The following LRBA variants were observed in gnomAD, a reference collection of about 807,000 sequenced individuals.
LRBA encodes the protein LPS responsive beige-like anchor protein, also known as lipopolysaccharide-responsive and beige-like anchor protein.
In LRBA, 176 loss-of-function variants were observed where a neutral mutation model predicts 330.0. The ratio of observed to expected loss-of-function variants is 0.53; its 90% CI spans 0.47 to 0.60. LRBA has a LOEUF of 0.60. LRBA is among the 20% of genes least tolerant of loss of function. The probability of loss-of-function intolerance (pLI) is 0.00; values close to 1 mark genes in which losing one functional copy is unlikely to be tolerated. For missense variants in LRBA, 3,259 were observed against 3,444.8 expected, an observed-to-expected ratio of 0.95 and a Z score of 1.35; for synonymous variants, 1,230 against 1,193.0, an observed-to-expected ratio of 1.03 and a Z score of -0.64.
intron 31 of LRBA, among the ~76,000 whole-genome samples, chr4:150,814,966 T>C (rs1299132128): frequency 1.3e-5 from 2 of 151,992 alleles, no homozygotes; most frequent in African/African-American, 4.8e-5. Flanking sequence ...ATTACCCATA[T>C]GTCTCAGCTG....
intron 2 of LRBA, among the ~76,000 whole-genome samples, chr4:151,012,629 C>T (rs1328377373): frequency 1.3e-5 from 2 of 152,120 alleles, no homozygotes; most frequent in Non-Finnish European, 2.9e-5. Flanking sequence ...AGCTGCACAA[C>T]GGATACCAGA....
intron 40 of LRBA, among the ~76,000 whole-genome samples, chr4:150,518,541 T>G (rs551579522): frequency 1.3e-5 from 2 of 152,076 alleles, no homozygotes; most frequent in Admixed American, 1.3e-4. Context: ...CCTGCTTACC[T>G]TTTTTTCCCT....
intron 37 of LRBA, among the ~76,000 whole-genome samples, chr4:150,660,057 C>T (rs1581961472): frequency 1.0e-4 from 1 of 9,694 alleles, no homozygotes; most frequent in African/African-American, 1.4e-4. Flanking sequence ...CCAGGCCAGC[C>T]GCCCCGTCCG....
intron 24 of LRBA, among the ~76,000 whole-genome samples, chr4:150,850,270 A>G (rs564265758): frequency 1.3e-5 from 2 of 151,734 alleles, no homozygotes; most frequent in Non-Finnish European, 2.9e-5. Flanking sequence ...ATTTTTTTGT[A>G]TTTTTAGTAG....
intron 37 of LRBA, among the ~76,000 whole-genome samples, chr4:150,648,158 C>CAAAAAGAAAAAAAA (rs1779346849): frequency 5.5e-5 from 1 of 18,100 alleles, no homozygotes; most frequent in Non-Finnish European, 1.8e-4. Context: ...ACACAAGTAG[C>CAAAAAGAAAAAAAA]AAAAAAAAAA....
intron 22 of LRBA, among the ~76,000 whole-genome samples, chr4:150,857,353 T>C (rs149182998): frequency 8.1e-4 from 123 of 152,266 alleles, no homozygotes; most frequent in African/African-American, 2.8e-3. Context: ...ATTCTAAAGG[T>C]TGGTAGTACA....
chr4:150,266,743 T>G (rs1331003336), intron 56 of LRBA, among the ~76,000 whole-genome samples: 1 of 152,084 alleles, frequency 6.6e-6, no homozygotes, highest in Non-Finnish European at 1.5e-5. Context: ...ATTAAAGAGA[T>G]TAAATTCTCC....
intron 2 of LRBA, among the ~76,000 whole-genome samples, chr4:151,005,908 T>A (rs1249544988): frequency 2.0e-5 from 3 of 148,856 alleles, no homozygotes; most frequent in East Asian, 2.1e-4. Flanking sequence ...CCGGCAACAC[T>A]GTTCTCTTAA....
chr4:150,996,164 G>A (rs1742624468), intron 2 of LRBA, among the ~76,000 whole-genome samples: 1 of 151,646 alleles, frequency 6.6e-6, no homozygotes, highest in African/African-American at 2.4e-5. Context: ...CATCCTCAGA[G>A]TACTCAAAAA....
chr4:150,704,460 A>G (rs1195032448), intron 36 of LRBA, among the ~76,000 whole-genome samples: 1 of 151,966 alleles, frequency 6.6e-6, no homozygotes. Flanking sequence ...TTAAAACACA[A>G]AAAGAGCCAC....
At chr4:150,847,109 CTAGT>C in intron 26 of LRBA, among the ~76,000 whole-genome samples, 1 of 152,164 alleles carries the variant, frequency 6.6e-6, no homozygotes, top group African/African-American at 2.4e-5. Context: ...AGTAGGAGCA[CTAGT>C]TAGACAAAAG....
intron 2 of LRBA, among the ~76,000 whole-genome samples, chr4:150,944,420 T>G (rs771848911): frequency 6.6e-6 from 1 of 152,226 alleles, no homozygotes; most frequent in Non-Finnish European, 1.5e-5. Flanking sequence ...TAATTACCTC[T>G]TGTAAACATG....
rs572936720 is a variant in LRBA, at chr4:150,999,329, T to C, written c.216+15098A>G. ...ATATAAATATGGGATCCTCAAAAGG[T>C]TGACCCTCAGGAAAAAGTAGATTCT... On this transcript the variant is annotated intron_variant, in intron 2 of 56. Transcript: ENST00000651943. Among the ~76,000 whole-genome samples the C allele has an allele frequency of 2.0e-5, 3 of 152,174 alleles. No individual in the cohort carries two copies. The South Asian group carries it at 6.2e-4, about 32-fold the overall frequency.
chr4:150,930,043 G>T (rs1311255353), intron 2 of LRBA, among the ~76,000 whole-genome samples: 1 of 152,130 alleles, frequency 6.6e-6, no homozygotes, highest in Non-Finnish European at 1.5e-5. Context: ...GGCAGGGCGT[G>T]GTGGCTCATG....
At chr4:150,451,461 G>A (rs1254152373) in intron 44 of LRBA, among the ~76,000 whole-genome samples, 1 of 151,948 alleles carries the variant, frequency 6.6e-6, no homozygotes, top group African/African-American at 2.4e-5. Context: ...ATAATCCATG[G>A]GTCAAAAAGC....
At chr4:150,639,755 A>G (rs183544982) in intron 37 of LRBA, among the ~76,000 whole-genome samples, 12,249 of 19,704 alleles carry the variant, frequency 0.62, 4,458 homozygotes, top group East Asian at 0.74. Flanking sequence ...ATATATATAT[A>G]TATATATATA....
At chr4:150,678,411 C>G (rs1220050208) in intron 37 of LRBA, among the ~76,000 whole-genome samples, 1 of 152,002 alleles carries the variant, frequency 6.6e-6, no homozygotes, top group Non-Finnish European at 1.5e-5. Flanking sequence ...CTGCAATATG[C>G]CTCTGTGGTA....
At chr4:150,863,807 T>C (rs779032806) in intron 22 of LRBA, among the ~76,000 whole-genome samples, 9 of 152,206 alleles carry the variant, frequency 5.9e-5, no homozygotes, top group Non-Finnish European at 8.8e-5. Flanking sequence ...ACACCTGAGA[T>C]ATCACCTAAT....
rs972490219 is a variant in LRBA at position 150,674,395 on chromosome 4, T to C, written c.5921+9156A>G. Among the ~76,000 whole-genome samples, 14 of 137,658 alleles carry C rather than the reference T, an allele frequency of 1.0e-4. No individual in the cohort carries two copies. In the Admixed American group the frequency reaches 1.0e-3, roughly 10 times the overall value. The allele number at this position is 137,658 out of a possible 152,430, so 90.3% of individuals were successfully genotyped here. On this transcript the variant is annotated intron_variant, in intron 37 of 56. Transcript: ENST00000651943. ...AGTTGAAGTAGCAAACAGTAAAGTC[T>C]AAAAAAAAAAAAGCTTTATTACTTG...
Sources: gnomAD v4.1 joint callset for allele counts (sites outside exome capture counted in the v4.1 genomes callset) on GRCh38, gnomAD v4.1.1 for gene constraint, MANE v1.5 for transcripts, NCBI Gene and HGNC (gene_info 2026-07-23, HGNC 2026-07-21) for gene names.